Variants in CTNNA2 observed in about 807,000 individuals in gnomAD.
The protein encoded by CTNNA2 is catenin alpha-2.
CTNNA2 carries 42 observed loss-of-function variants against 101.0 expected under a neutral mutation model. The observed-to-expected ratio is 0.42, with a 90% CI of 0.32 to 0.54. CTNNA2 has a LOEUF of 0.54. CTNNA2 is among the 20% of genes least tolerant of loss of function. The pLI is 0.14. For missense variants in CTNNA2, 871 were observed against 1,223.1 expected, an observed-to-expected ratio of 0.71 and a Z score of 4.29; for synonymous variants, 450 against 456.4, an observed-to-expected ratio of 0.99 and a Z score of 0.18.
At chr2:79,311,408 C>CA (rs753633073) in intron 2 of CTNNA2, among the ~76,000 whole-genome samples, 1,835 of 66,642 alleles carry the variant, frequency 0.028, 91 homozygotes, top group East Asian at 0.13. Flanking sequence ...GACTCCGTCT[C>CA]AAAAAAAAAA....
chr2:79,477,168 CTTTT>C (rs5832392), intron 4 of CTNNA2, among the ~76,000 whole-genome samples: 1 of 123,146 alleles, frequency 8.1e-6, no homozygotes, highest in African/African-American at 3.3e-5. Context: ...TCTTTTTTTT[CTTTT>C]TTTTTTTTTT....
chr2:80,175,688 A>G (rs1705349839), intron 7 of CTNNA2, among the ~76,000 whole-genome samples: 1 of 152,218 alleles, frequency 6.6e-6, no homozygotes, highest in Non-Finnish European at 1.5e-5. Flanking sequence ...ACATGATCAC[A>G]AGGTGAAGTC....
At chr2:79,878,071 G>T (rs927287897) in intron 6 of CTNNA2, among the ~76,000 whole-genome samples, 2 of 152,104 alleles carry the variant, frequency 1.3e-5, no homozygotes, top group African/African-American at 4.8e-5. Flanking sequence ...GTGGTGTTTG[G>T]TGTTCTGTTC....
At chr2:80,180,284 G>A (rs186718964) in intron 7 of CTNNA2, among the ~76,000 whole-genome samples, 4 of 152,340 alleles carry the variant, frequency 2.6e-5, no homozygotes, top group Admixed American at 6.5e-5. Flanking sequence ...AATTGATTGA[G>A]ACACCATGAT....
At chr2:79,816,442 T>C (rs1677506355) in intron 3 of CTNNA2, among the ~76,000 whole-genome samples, 2 of 152,114 alleles carry the variant, frequency 1.3e-5, no homozygotes, top group African/African-American at 4.8e-5. Context: ...ATTCAAAAAT[T>C]TTTCATGTCC....
chr2:79,627,093 G>A (rs62140099), intron 1 of CTNNA2, among the ~76,000 whole-genome samples: 11,020 of 152,140 alleles, frequency 0.072, 453 homozygotes, highest in African/African-American at 0.098. Context: ...CTTTATGGGC[G>A]ACAGCTCTGG....
intron 5 of CTNNA2, 30 bp from the exon 6 acceptor site, chr2:79,874,046 T>C: frequency 6.2e-7 from 1 of 1,609,970 alleles, no homozygotes; most frequent in African/African-American, 1.3e-5. Flanking sequence ...ATTTCATGTG[T>C]GTGACAGCTT....
chr2:80,114,524 C>A (rs1389440779), intron 7 of CTNNA2, among the ~76,000 whole-genome samples: 1 of 152,108 alleles, frequency 6.6e-6, no homozygotes, highest in Non-Finnish European at 1.5e-5. Flanking sequence ...TCATCTGACA[C>A]CAAAAGACTT....
chr2:79,670,175 G>T (rs1433132993), intron 2 of CTNNA2, among the ~76,000 whole-genome samples: 1 of 152,188 alleles, frequency 6.6e-6, no homozygotes, highest in Non-Finnish European at 1.5e-5. Flanking sequence ...CTTGGAAGAG[G>T]CAGGGCCCAC....
At chr2:80,568,722 C>G (rs1295594807) in intron 12 of CTNNA2, among the ~76,000 whole-genome samples, 1 of 152,104 alleles carries the variant, frequency 6.6e-6, no homozygotes, top group Non-Finnish European at 1.5e-5. Flanking sequence ...AGTAGGAGTT[C>G]ACCTGGGCCA....
chr2:79,802,365 A>G (rs1431082843), intron 3 of CTNNA2, among the ~76,000 whole-genome samples: 2 of 152,196 alleles, frequency 1.3e-5, no homozygotes, highest in African/African-American at 2.4e-5. Context: ...GGAGTTAATT[A>G]TTTTAAGAAA....
At chr2:80,214,717 A>T (rs948983863) in intron 7 of CTNNA2, among the ~76,000 whole-genome samples, 43 of 152,152 alleles carry the variant, frequency 2.8e-4, no homozygotes, top group Non-Finnish European at 6.0e-4. Flanking sequence ...AACTTTGGTG[A>T]ATCTGACAAT....
At chr2:79,914,761 T>C (rs1686069629) in intron 7 of CTNNA2, among the ~76,000 whole-genome samples, 1 of 152,208 alleles carries the variant, frequency 6.6e-6, no homozygotes. Flanking sequence ...TTGTATATTT[T>C]TTTAAATTTT....
chr2:80,507,547 T>A (rs1306802471), intron 9 of CTNNA2, among the ~76,000 whole-genome samples: 1 of 152,200 alleles, frequency 6.6e-6, no homozygotes, highest in Non-Finnish European at 1.5e-5. Flanking sequence ...GAAGTGAAGG[T>A]AAAAGTGCTA....
chr2:79,960,372 C>T (rs1041115510), intron 7 of CTNNA2, among the ~76,000 whole-genome samples: 2 of 152,096 alleles, frequency 1.3e-5, no homozygotes, highest in Non-Finnish European at 2.9e-5. Flanking sequence ...TTTATAGAAG[C>T]CCTCTAATTT....
At chr2:79,594,015 A>G (rs2104007731) in intron 1 of CTNNA2, among the ~76,000 whole-genome samples, 1 of 146,482 alleles carries the variant, frequency 6.8e-6, no homozygotes, top group Middle Eastern at 3.6e-3. Context: ...CAGCCTCCCA[A>G]CTAGCTGGGA....
chr2:80,619,982 G>C (rs1670940653), intron 18 of CTNNA2, among the ~76,000 whole-genome samples: 1 of 151,968 alleles, frequency 6.6e-6, no homozygotes, highest in African/African-American at 2.4e-5. Context: ...AGAAAGAAAA[G>C]ATCAACTGGA....
chr2:80,584,545 CTG>C (rs1695812534), intron 14 of CTNNA2, among the ~76,000 whole-genome samples: 1 of 151,876 alleles, frequency 6.6e-6, no homozygotes, highest in African/African-American at 2.4e-5. Context: ...ATAATATAAA[CTG>C]TTTCTCCACA....
At chr2:80,067,999 C>T (rs1279480022) in intron 7 of CTNNA2, among the ~76,000 whole-genome samples, 1 of 152,246 alleles carries the variant, frequency 6.6e-6, no homozygotes, top group East Asian at 1.9e-4. Context: ...TGCTCCCTGA[C>T]TTCTGATCCA....
Sources: allele counts gnomAD v4.1 joint callset (sites outside exome capture counted in the v4.1 genomes callset), GRCh38; gene constraint gnomAD v4.1.1; transcripts MANE v1.5; gene names NCBI Gene and HGNC (gene_info 2026-07-23, HGNC 2026-07-21).